LPAR3: variants seen among roughly 807,000 people sequenced by gnomAD.
LPAR3 encodes LPA receptor 3.
In LPAR3, 7 loss-of-function variants were observed where a neutral mutation model predicts 17.8. The observed-to-expected ratio is 0.39, with a 90% CI of 0.22 to 0.74. The LOEUF is 0.74. LPAR3 is among the 30% of genes least tolerant of loss of function. The pLI, the probability that LPAR3 is intolerant of heterozygous loss-of-function variation, is 0.40. For missense variants in LPAR3, 391 were observed against 453.4 expected, an observed-to-expected ratio of 0.86 and a Z score of 1.25; for synonymous variants, 179 against 179.9, an observed-to-expected ratio of 0.99 and a Z score of 0.04.
At position 84,865,796 on chromosome 1, in the gene LPAR3, G is replaced by A. The variant is rs755583673; in HGVS notation, c.325C>T (p.Leu109=). ...VNRWFLRQGL[L]DSSLTASLTN... is the part of the protein sequence containing the mutation. ...AGGGAAGCAGTCAAGCTACTGTCCAGAAGCCCCTGACGGAGAAACCAGCGG... is the reference window on the plus strand; with the variant it reads ...AGGGAAGCAGTCAAGCTACTGTCCAAAAGCCCCTGACGGAGAAACCAGCGG... The change falls in exon 2 of 3, where the codon CTG becomes TTG. Residue 109 remains leucine, a synonymous_variant. Coordinates refer to ENST00000370611, the MANE Select transcript of LPAR3 (RefSeq NM_012152.3). 3.1e-6 allele frequency: 5 copies of A among 1,614,208 alleles called. No individual in the cohort carries two copies. The African/African-American group carries it at 5.3e-5, about 17-fold the overall frequency.
intron 2 of LPAR3, among the ~76,000 whole-genome samples, chr1:84,838,264 A>G (rs756723872): frequency 5.6e-4 from 86 of 152,238 alleles, no homozygotes; most frequent in Non-Finnish European, 9.7e-4. Flanking sequence ...TGCTAAGAAA[A>G]CTGTGCCAGC....
chr1:84,845,831 C>A (rs1214033911), intron 2 of LPAR3, among the ~76,000 whole-genome samples: 1 of 152,120 alleles, frequency 6.6e-6, no homozygotes, highest in Non-Finnish European at 1.5e-5. Flanking sequence ...AGTGAATTCA[C>A]CAAGCTGTGA....
intron 1 of LPAR3, among the ~76,000 whole-genome samples, chr1:84,887,971 GT>G (rs1488968215): frequency 6.6e-6 from 1 of 152,172 alleles, no homozygotes; most frequent in Non-Finnish European, 1.5e-5. Context: ...GGATGATAGT[GT>G]TTTGTATCAA....
chr1:84,884,430 T>A (rs936380816), intron 1 of LPAR3, among the ~76,000 whole-genome samples: 1 of 152,230 alleles, frequency 6.6e-6, no homozygotes, highest in African/African-American at 2.4e-5. Flanking sequence ...TCTAACATAA[T>A]GATTGTGGTA....
intron 2 of LPAR3, among the ~76,000 whole-genome samples, chr1:84,843,173 T>C (rs565723992): frequency 9.8e-5 from 15 of 152,320 alleles, no homozygotes; most frequent in African/African-American, 3.6e-4. Flanking sequence ...ATCTAACTCC[T>C]GTCTTCACCT....
chr1:84,827,183 T>G (rs1363489922), intron 2 of LPAR3, among the ~76,000 whole-genome samples: 1 of 152,206 alleles, frequency 6.6e-6, no homozygotes, highest in Non-Finnish European at 1.5e-5. Context: ...ATTGCAGTAT[T>G]AATTTAAAAT....
intron 1 of LPAR3, among the ~76,000 whole-genome samples, chr1:84,884,585 G>C (rs370157597): frequency 1.3e-5 from 2 of 152,168 alleles, no homozygotes; most frequent in East Asian, 1.9e-4. Context: ...CAGTTTGCCT[G>C]TTTCAGAGAA....
intron 2 of LPAR3, among the ~76,000 whole-genome samples, chr1:84,829,925 G>A (rs1412100188): frequency 1.3e-5 from 2 of 151,958 alleles, no homozygotes; most frequent in Non-Finnish European, 2.9e-5. Flanking sequence ...ATGCCATTAA[G>A]GTATCCCATA....
At chr1:84,860,734 AT>A (rs35354113) in intron 2 of LPAR3, among the ~76,000 whole-genome samples, 5,604 of 113,472 alleles carry the variant, frequency 0.049, 58 homozygotes, top group Middle Eastern at 0.1. Context: ...TTAGGATTTA[AT>A]TTTTTTTTTT....
At chr1:84,825,357 G>A (rs1246604385) in intron 2 of LPAR3, among the ~76,000 whole-genome samples, 1 of 152,186 alleles carries the variant, frequency 6.6e-6, no homozygotes, top group Non-Finnish European at 1.5e-5. Context: ...TAAGTGTCAG[G>A]CACTGTGGCT....
At chr1:84,851,449 A>AAC (rs1659710345) in intron 2 of LPAR3, among the ~76,000 whole-genome samples, 2 of 152,092 alleles carry the variant, frequency 1.3e-5, no homozygotes, top group African/African-American at 2.4e-5. Context: ...TACAAGTGAA[A>AAC]ACACACACAC....
intron 1 of LPAR3, among the ~76,000 whole-genome samples, chr1:84,879,831 A>G (rs1489369968): frequency 6.6e-6 from 1 of 152,194 alleles, no homozygotes; most frequent in Non-Finnish European, 1.5e-5. Flanking sequence ...CCTACCTGTA[A>G]GTTGGAACAT....
At chr1:84,873,754 G>GTTTTTTT in intron 1 of LPAR3, among the ~76,000 whole-genome samples, 1 of 137,560 alleles carries the variant, frequency 7.3e-6, no homozygotes, top group East Asian at 1.9e-4. Flanking sequence ...TGTTTTGCTT[G>GTTTTTTT]TTTGTTTTTT....
intron 1 of LPAR3, among the ~76,000 whole-genome samples, chr1:84,889,761 G>C (rs1179436465): frequency 6.6e-6 from 1 of 152,192 alleles, no homozygotes; most frequent in Non-Finnish European, 1.5e-5. Context: ...CCAATAGCCA[G>C]AGCTGAGTGG....
rs10579519 is a variant in LPAR3, at chr1:84,812,423, CTTTTTTTTTTTTTT to C, written c.*1409_*1422del. ...CATGTGTTCCCTGACATTCTCTAGT[CTTTTTTTTTTTTTT>C]TTTTTTTTTTTGAGACAGAGTCTTG... On this transcript the variant is annotated 3_prime_UTR_variant, in exon 3 of 3. Transcript: ENST00000370611. The C allele has an allele frequency of 1.3e-5, 1 of 75,090 alleles. No homozygotes were observed. Among genetic ancestry groups the C allele is most frequent in the African/African-American group, 5.8e-5 (1 of 17,212 alleles). 4.7% of individuals were successfully genotyped at this position (75,090 alleles called of 1,614,324 possible). A position where few individuals can be genotyped will look rare whatever the true frequency, so the allele number is the denominator to read the frequency against.
At chr1:84,885,043 G>C (rs999822497) in intron 1 of LPAR3, among the ~76,000 whole-genome samples, 5 of 152,170 alleles carry the variant, frequency 3.3e-5, no homozygotes, top group Non-Finnish European at 5.9e-5. Context: ...TCATTATCTA[G>C]AGCAGCCAGG....
chr1:84,854,359 A>AT (rs1371367488), intron 2 of LPAR3, among the ~76,000 whole-genome samples: 3 of 152,064 alleles, frequency 2.0e-5, no homozygotes, highest in African/African-American at 7.2e-5. Flanking sequence ...AGCCCACAGC[A>AT]TTTTTTCAGC....
At chr1:84,880,394 C>T (rs1423887912) in intron 1 of LPAR3, among the ~76,000 whole-genome samples, 1 of 152,154 alleles carries the variant, frequency 6.6e-6, no homozygotes, top group Non-Finnish European at 1.5e-5. Context: ...AACGGAGGGC[C>T]TTGGAGAATC....
chr1:84,816,706 G>T (rs1323153975), intron 2 of LPAR3, among the ~76,000 whole-genome samples: 1 of 152,162 alleles, frequency 6.6e-6, no homozygotes, highest in Non-Finnish European at 1.5e-5. Flanking sequence ...ACTGAGGCAG[G>T]AGGATTGTTT....
Sources: gnomAD v4.1 joint callset for allele counts (sites outside exome capture counted in the v4.1 genomes callset) on GRCh38, gnomAD v4.1.1 for gene constraint, MANE v1.5 for transcripts, NCBI Gene and HGNC (gene_info 2026-07-23, HGNC 2026-07-21) for gene names.